Variants in SORT1 observed in about 807,000 individuals in gnomAD.
SORT1 encodes the protein sortilin.
Under a neutral mutation model 101.7 loss-of-function variants are expected in SORT1, and 39 were observed. The observed-to-expected ratio is 0.38, with a 90% CI of 0.30 to 0.50. The LOEUF is 0.50. Ranked by LOEUF, SORT1 falls within the 20% of genes least tolerant of loss-of-function variation. The pLI, the probability that SORT1 is intolerant of heterozygous loss-of-function variation, is 0.90. For missense variants in SORT1, 878 were observed against 1,040.4 expected (o/e 0.84, Z 2.15); for synonymous variants, 396 against 393.7 (o/e 1.01, Z -0.07).
chr1:109,327,249 T>C, intron 12 of SORT1, 89 bp from the exon 13 acceptor site: 3 of 1,153,732 alleles, frequency 2.6e-6, no homozygotes, highest in Non-Finnish European at 3.7e-6. Context: ...AATGAATTTA[T>C]TCTGATTATT....
chr1:109,320,459 T>C (rs935862338), intron 15 of SORT1, among the ~76,000 whole-genome samples: 1 of 152,192 alleles, frequency 6.6e-6, no homozygotes, highest in Non-Finnish European at 1.5e-5. Context: ...TCATGACTAC[T>C]GTGACTTCCC....
intron 14 of SORT1, 152 bp from the exon 15 acceptor site, chr1:109,323,273 C>T (rs1276913335): frequency 8.5e-6 from 5 of 586,292 alleles, no homozygotes; most frequent in Admixed American, 3.0e-5. Flanking sequence ...CAAAAAGTTA[C>T]ACTAGTCTAG....
intron 1 of SORT1, among the ~76,000 whole-genome samples, chr1:109,373,001 G>A (rs1454460017): frequency 6.6e-6 from 1 of 151,994 alleles, no homozygotes; most frequent in East Asian, 1.9e-4. Context: ...GCTGCAGTGA[G>A]GCAAGATTGC....
intron 1 of SORT1, among the ~76,000 whole-genome samples, chr1:109,388,048 C>G (rs1211200850): frequency 6.6e-6 from 1 of 152,098 alleles, no homozygotes; most frequent in Admixed American, 6.5e-5. Flanking sequence ...TCCAGTGATA[C>G]AAGTAGTACA....
chr1:109,373,081 C>A (rs1171522749), intron 1 of SORT1, among the ~76,000 whole-genome samples: 3 of 151,688 alleles, frequency 2.0e-5, no homozygotes, highest in Admixed American at 6.6e-5. Flanking sequence ...GAAAAAAAAA[C>A]CCAAAACGAC....
At chr1:109,314,220 T>TG (rs56356949) in intron 19 of SORT1, 41 bp downstream of exon 19, 117,368 of 1,299,616 alleles carry the variant, frequency 0.09, 746 homozygotes, top group Non-Finnish European at 0.099. Flanking sequence ...TTGTATTTTT[T>TG]GGGGGGGGGG....
chr1:109,362,796 T>C (rs1186063474), intron 3 of SORT1, among the ~76,000 whole-genome samples: 1 of 152,014 alleles, frequency 6.6e-6, no homozygotes, highest in Non-Finnish European at 1.5e-5. Context: ...AATATACTTT[T>C]TCTTTAAAAA....
Position 109,385,868 on chromosome 1 carries a change from T to C in SORT1, c.306+11719A>G, listed in dbSNP as rs190340747. Among the ~76,000 whole-genome samples, 31 of 152,352 alleles carry C rather than the reference T, an allele frequency of 2.0e-4. No homozygotes were observed. In the East Asian group the frequency reaches 5.4e-3, roughly 26 times the overall value. Reference sequence around the variant, plus strand: ...GGTTACTATTTTTCTTCTTGGTAATTACTACATTTATAATTATATATCATT... The same window carrying C: ...GGTTACTATTTTTCTTCTTGGTAATCACTACATTTATAATTATATATCATT... On this transcript the variant is annotated intron_variant, in intron 1 of 19. Coordinates refer to ENST00000256637, the MANE Select transcript of SORT1 (RefSeq NM_002959.7).
rs113297540 is a variant in SORT1 at position 109,326,385 on chromosome 1, T to C, written c.1643+607A>G. On this transcript the variant is annotated intron_variant, in intron 13 of 19. Coordinates refer to ENST00000256637, the MANE Select transcript of SORT1 (RefSeq NM_002959.7). ...TGTACTTAAGAAGTCATTTTCAATC[T>C]AGAGTGCTTGAACGCTTCCATAATA... 4.4e-3 allele frequency among the ~76,000 whole-genome samples: 625 copies of C among 142,994 alleles called. 8 individuals carry two copies. The highest frequency in any genetic ancestry group is 0.016 in the African/African-American group (600 of 38,506). 93.8% of individuals were successfully genotyped at this position (142,994 alleles called of 152,430 possible).
chr1:109,341,437 C>G (rs1290217613), intron 9 of SORT1, among the ~76,000 whole-genome samples: 2 of 152,124 alleles, frequency 1.3e-5, no homozygotes, highest in East Asian at 3.9e-4. Flanking sequence ...AGCTCCACCT[C>G]CCGGGTTCAT....
At chr1:109,376,393 C>T (rs1392053323) in intron 1 of SORT1, among the ~76,000 whole-genome samples, 2 of 150,318 alleles carry the variant, frequency 1.3e-5, no homozygotes, top group Non-Finnish European at 3.0e-5. Flanking sequence ...AATCCTGTTA[C>T]TGGGTATATA....
At chr1:109,368,071 ATCAC>A (rs1651210423) in intron 2 of SORT1, among the ~76,000 whole-genome samples, 1 of 152,084 alleles carries the variant, frequency 6.6e-6, no homozygotes, top group African/African-American at 2.4e-5. Context: ...AGGCGGACGG[ATCAC>A]TTGAGGTCAG....
chr1:109,328,527 T>C (rs535510882), intron 11 of SORT1, among the ~76,000 whole-genome samples: 1 of 152,362 alleles, frequency 6.6e-6, no homozygotes, highest in South Asian at 2.1e-4. Flanking sequence ...TATATTGTGT[T>C]TGGAGAAATG....
At chr1:109,363,448 T>C (rs1427919223) in intron 3 of SORT1, among the ~76,000 whole-genome samples, 1 of 152,220 alleles carries the variant, frequency 6.6e-6, no homozygotes, top group Non-Finnish European at 1.5e-5. Flanking sequence ...TATGTGTGTG[T>C]ATGCATGTAC....
In SORT1 at chr1:109,355,379, C is replaced by T. The variant is rs1376362817; in HGVS notation, c.531G>A (p.Glu177=). The T allele has an allele frequency of 6.4e-7, 1 of 1,574,668 alleles. No individual in the cohort carries two copies. Among genetic ancestry groups the T allele is most frequent in the African/African-American group, 1.3e-5 (1 of 74,218 alleles). Residue 177 remains glutamate (E), a synonymous_variant, in exon 4 of 20, where the codon GAG becomes GAA. Transcript: ENST00000256637. Reference sequence around the variant, plus strand: ...GAATGAGTCTCACCTTTCCAGAGTTCTCAGGACCAATAGCCATGCCAAATT... The same window carrying T: ...GAATGAGTCTCACCTTTCCAGAGTTTTCAGGACCAATAGCCATGCCAAATT... ...RTEFGMAIGP[E]NSGKVVLTAE... is the part of the protein sequence containing the mutation.
At chr1:109,335,058 C>T (rs1648718346) in intron 11 of SORT1, among the ~76,000 whole-genome samples, 1 of 152,112 alleles carries the variant, frequency 6.6e-6, no homozygotes, top group Non-Finnish European at 1.5e-5. Flanking sequence ...CAATCCTAGT[C>T]AACTGGGGTT....
intron 10 of SORT1, among the ~76,000 whole-genome samples, chr1:109,339,478 G>A (rs1039522091): frequency 1.7e-4 from 26 of 152,130 alleles, no homozygotes; most frequent in Admixed American, 5.9e-4. Context: ...CATGGCCAAC[G>A]AGCATATAAA....
chr1:109,389,498 G>A (rs1179019761), intron 1 of SORT1, among the ~76,000 whole-genome samples: 5 of 152,108 alleles, frequency 3.3e-5, no homozygotes, highest in African/African-American at 1.2e-4. Flanking sequence ...CCAGCTCTTG[G>A]CCAGTAAGCA....
At chr1:109,342,423 A>C (rs993768656) in intron 8 of SORT1, among the ~76,000 whole-genome samples, 6 of 152,180 alleles carry the variant, frequency 3.9e-5, no homozygotes, top group Admixed American at 6.5e-5. Context: ...CCTGTAAGAT[A>C]GTATAGTCTT....
Sources: allele counts gnomAD v4.1 joint callset (sites outside exome capture counted in the v4.1 genomes callset), GRCh38; gene constraint gnomAD v4.1.1; transcripts MANE v1.5; gene names NCBI Gene and HGNC (gene_info 2026-07-23, HGNC 2026-07-21).